The following RTN4IP1 variants were observed in gnomAD, a reference collection of about 807,000 sequenced individuals.
The protein encoded by RTN4IP1 is reticulon 4 interacting protein 1, also known as NAD(P)H oxidoreductase RTN4IP1, mitochondrial.
RTN4IP1 carries 32 observed loss-of-function variants against 46.6 expected under a neutral mutation model. That is an observed-to-expected ratio of 0.69 (90% CI 0.52 to 0.92). RTN4IP1 has a LOEUF of 0.92. Ranked by LOEUF, RTN4IP1 falls within the 40% of genes least tolerant of loss-of-function variation. The pLI is 0.00. For synonymous variants in RTN4IP1, 167 were observed against 161.8 expected, an observed-to-expected ratio of 1.03 and a Z score of -0.24; for missense variants, 424 against 485.8, an observed-to-expected ratio of 0.87 and a Z score of 1.20.
At chr6:106,628,724 TAAC>T (rs1776723232) in intron 1 of RTN4IP1, 21 bp downstream of exon 1, 2 of 1,584,188 alleles carry the variant, frequency 1.3e-6, no homozygotes, top group Non-Finnish European at 1.7e-6. Flanking sequence ...TTAAAAAAGG[TAAC>T]AATGTCTTTT....
intron 6 of RTN4IP1, among the ~76,000 whole-genome samples, chr6:106,588,311 C>G (rs989241158): frequency 2.0e-5 from 3 of 152,168 alleles, no homozygotes; most frequent in Non-Finnish European, 2.9e-5. Context: ...TTTCCATTCT[C>G]TATAAAGTAT....
chr6:106,572,217 G>C (rs9486413), intron 8 of RTN4IP1, 114 bp from the exon 9 acceptor site: 1 of 820,476 alleles, frequency 1.2e-6, no homozygotes, highest in East Asian at 2.5e-5. Flanking sequence ...TCTCTCAAGT[G>C]TCTCTCCAGT....
chr6:106,572,169 C>T, intron 8 of RTN4IP1, 66 bp from the exon 9 acceptor site: 2 of 1,261,436 alleles, frequency 1.6e-6, no homozygotes, highest in Non-Finnish European at 2.3e-6. Context: ...GATGACATTG[C>T]TAATTAGTTT....
intron 1 of RTN4IP1, 58 bp from the exon 2 acceptor site, chr6:106,623,027 T>C: frequency 6.5e-7 from 1 of 1,540,364 alleles, no homozygotes; most frequent in Non-Finnish European, 8.9e-7. Context: ...CTTTTAAAAC[T>C]ACTACAGGGT....
At chr6:106,628,705 G>T in intron 1 of RTN4IP1, 43 bp downstream of exon 1, 1 of 1,548,958 alleles carries the variant, frequency 6.5e-7, no homozygotes, top group Non-Finnish European at 8.8e-7. Context: ...CCTTATGAAA[G>T]TGATTTTTTT....
intron 6 of RTN4IP1, among the ~76,000 whole-genome samples, chr6:106,590,136 G>A (rs1013762990): frequency 6.6e-6 from 1 of 151,908 alleles, no homozygotes; most frequent in African/African-American, 2.4e-5. Context: ...CGGCCAACAT[G>A]GTGAAACTAT....
intron 5 of RTN4IP1, among the ~76,000 whole-genome samples, chr6:106,600,286 T>G (rs4946773): frequency 0.92 from 140,579 of 152,018 alleles, 65,680 homozygotes; most frequent in Non-Finnish European, 1. Context: ...CCTGAGAGAG[T>G]CTTAATCAAG....
In RTN4IP1 at chr6:106,629,338, A is replaced by C. The variant is rs1369817289; in HGVS notation, c.-317T>G. 3 of 531,184 alleles carry C rather than the reference A, an allele frequency of 5.6e-6. No homozygotes were observed. The highest frequency in any genetic ancestry group is 1.0e-5 in the Non-Finnish European group (3 of 300,762). 32.9% of individuals were successfully genotyped at this position (531,184 alleles called of 1,614,324 possible). On this transcript the variant is annotated 5_prime_UTR_variant, in exon 1 of 9. Coordinates refer to ENST00000369063, the MANE Select transcript of RTN4IP1 (RefSeq NM_032730.5). ...GGGGCATTAAAAAGCAGGTGCGCAA[A>C]CCCCCTAGATCCCTGCCCTGTCCTG...
chr6:106,595,510 T>C (rs1171427788), intron 5 of RTN4IP1, among the ~76,000 whole-genome samples: 5 of 151,640 alleles, frequency 3.3e-5, no homozygotes, highest in Non-Finnish European at 7.4e-5. Flanking sequence ...CTTTTTTTTT[T>C]TTTTTGTGGG....
At chr6:106,619,112 TA>T (rs1776418345) in intron 4 of RTN4IP1, 89 bp downstream of exon 4, 5 of 1,435,762 alleles carry the variant, frequency 3.5e-6, no homozygotes, top group Non-Finnish European at 3.8e-6. Context: ...TAAATGATAC[TA>T]AATTTCAAAG....
chr6:106,574,360 T>C lies in RTN4IP1; in HGVS notation c.1084-2257A>G, dbSNP rs561907763. Among the ~76,000 whole-genome samples, 12 of 152,140 alleles carry C rather than the reference T, an allele frequency of 7.9e-5. No homozygotes were observed. The South Asian group carries it at 2.5e-3, about 32-fold the overall frequency. On this transcript the variant is annotated intron_variant, in intron 8 of 8. Transcript: ENST00000369063. ...CGGGAGGCTGAGGCATGAGAATTAC[T>C]TGAACCCGGGAGGTGGAGGTTGCAG...
intron 4 of RTN4IP1, among the ~76,000 whole-genome samples, chr6:106,607,228 T>G (rs1001688846): frequency 6.6e-6 from 1 of 151,946 alleles, no homozygotes; most frequent in Non-Finnish European, 1.5e-5. Flanking sequence ...GATGCCCATC[T>G]CTCACCATAT....
chr6:106,608,914 A>G (rs897721075), intron 4 of RTN4IP1, among the ~76,000 whole-genome samples: 1 of 152,182 alleles, frequency 6.6e-6, no homozygotes, highest in Admixed American at 6.5e-5. Context: ...TCCTCACAAT[A>G]TATTACCTGC....
At chr6:106,579,315 T>C (rs918997184) in intron 8 of RTN4IP1, among the ~76,000 whole-genome samples, 1 of 151,846 alleles carries the variant, frequency 6.6e-6, no homozygotes, top group Non-Finnish European at 1.5e-5. Flanking sequence ...GCCCACAGGC[T>C]GTAGTTTGCC....
intron 8 of RTN4IP1, among the ~76,000 whole-genome samples, chr6:106,582,184 A>G (rs1775387093): frequency 1.3e-5 from 2 of 152,234 alleles, no homozygotes. Flanking sequence ...CCTTAAATAC[A>G]TAAAAAGCAG....
intron 4 of RTN4IP1, among the ~76,000 whole-genome samples, chr6:106,613,692 G>C (rs903493297): frequency 2.0e-5 from 3 of 152,156 alleles, no homozygotes; most frequent in Non-Finnish European, 4.4e-5. Context: ...ATCTAGTTCT[G>C]CTCATGATGA....
At chr6:106,606,474 G>A (rs1776077992) in intron 4 of RTN4IP1, among the ~76,000 whole-genome samples, 1 of 151,788 alleles carries the variant, frequency 6.6e-6, no homozygotes, top group Admixed American at 6.6e-5. Context: ...AAAATCAGTG[G>A]CATTTCTATA....
chr6:106,624,066 TA>T (rs1776567168), intron 1 of RTN4IP1, among the ~76,000 whole-genome samples: 1 of 152,230 alleles, frequency 6.6e-6, no homozygotes, highest in South Asian at 2.1e-4. Context: ...TCTTTTTATT[TA>T]TTTTTTTGAG....
chr6:106,620,685 T>C (rs1183574505), intron 3 of RTN4IP1, among the ~76,000 whole-genome samples: 2 of 152,150 alleles, frequency 1.3e-5, no homozygotes, highest in Non-Finnish European at 1.5e-5. Flanking sequence ...ATGCATACCC[T>C]ACTCCAAGAT....
Sources: allele counts gnomAD v4.1 joint callset (sites outside exome capture counted in the v4.1 genomes callset), GRCh38; gene constraint gnomAD v4.1.1; transcripts MANE v1.5; gene names NCBI Gene and HGNC (gene_info 2026-07-23, HGNC 2026-07-21).